Variants in LRRTM4 observed in about 807,000 individuals in gnomAD.
LRRTM4 encodes the protein leucine rich repeat transmembrane neuronal 4.
A neutral mutation model predicts 47.6 loss-of-function variants in LRRTM4; 25 were observed. The observed-to-expected ratio is 0.53, with a 90% CI of 0.38 to 0.73. The LOEUF (loss-of-function observed/expected upper bound fraction) is 0.73. LRRTM4 is among the 30% of genes least tolerant of loss of function. The probability of loss-of-function intolerance (pLI) is 0.00; values close to 1 mark genes in which losing one functional copy is unlikely to be tolerated. For missense variants in LRRTM4, 638 were observed against 713.4 expected, an observed-to-expected ratio of 0.89 and a Z score of 1.20; for synonymous variants, 311 against 269.5, an observed-to-expected ratio of 1.15 and a Z score of -1.51.
At chr2:77,179,537 G>A (rs1039634128) in intron 3 of LRRTM4, among the ~76,000 whole-genome samples, 1 of 152,076 alleles carries the variant, frequency 6.6e-6, no homozygotes, top group Non-Finnish European at 1.5e-5. Context: ...TCGTTCGTCA[G>A]TATTTCAAGA....
At chr2:77,012,313 GTAT>G (rs942081498) in intron 3 of LRRTM4, among the ~76,000 whole-genome samples, 27 of 151,742 alleles carry the variant, frequency 1.8e-4, no homozygotes, top group Admixed American at 7.9e-4. Flanking sequence ...TTGGAAATCA[GTAT>G]TATAACACAG....
chr2:76,902,369 C>T (rs943723860), intron 3 of LRRTM4, among the ~76,000 whole-genome samples: 2 of 152,072 alleles, frequency 1.3e-5, no homozygotes, highest in Admixed American at 6.6e-5. Context: ...ATTAGCCAGC[C>T]CCTATCCAAT....
At chr2:77,429,902 C>T (rs1675294057) in intron 3 of LRRTM4, among the ~76,000 whole-genome samples, 1 of 152,012 alleles carries the variant, frequency 6.6e-6, no homozygotes, top group South Asian at 2.1e-4. Context: ...CCTGTCTCTA[C>T]TAAAAATACA....
intron 3 of LRRTM4, among the ~76,000 whole-genome samples, chr2:76,941,816 G>A (rs569578459): frequency 6.6e-6 from 1 of 152,052 alleles, no homozygotes; most frequent in Non-Finnish European, 1.5e-5. Flanking sequence ...ATAATCCTTT[G>A]GGCATATACC....
At chr2:77,383,629 A>C (rs916303205) in intron 3 of LRRTM4, among the ~76,000 whole-genome samples, 1 of 152,116 alleles carries the variant, frequency 6.6e-6, no homozygotes, top group Non-Finnish European at 1.5e-5. Context: ...CTGCTTAAAG[A>C]CATTTGCATA....
At chr2:76,836,814 A>T (rs547439603) in intron 3 of LRRTM4, among the ~76,000 whole-genome samples, 2 of 152,262 alleles carry the variant, frequency 1.3e-5, no homozygotes, top group East Asian at 3.9e-4. Flanking sequence ...AAAGGCAAAG[A>T]GAAGAATGTA....
At chr2:77,423,040 T>G (rs1489107176) in intron 3 of LRRTM4, among the ~76,000 whole-genome samples, 1 of 152,238 alleles carries the variant, frequency 6.6e-6, no homozygotes, top group African/African-American at 2.4e-5. Flanking sequence ...GGAATTTTAA[T>G]CATATTGTGT....
chr2:77,038,475 T>C (rs1678909172), intron 3 of LRRTM4, among the ~76,000 whole-genome samples: 1 of 151,512 alleles, frequency 6.6e-6, no homozygotes, highest in Admixed American at 6.6e-5. Flanking sequence ...TAAAGTACTG[T>C]TCAGAGTCTA....
chr2:77,432,979 A>G (rs1056158003), intron 3 of LRRTM4, among the ~76,000 whole-genome samples: 3 of 152,206 alleles, frequency 2.0e-5, no homozygotes, highest in Non-Finnish European at 2.9e-5. Context: ...AGATGTTTAC[A>G]TCTTCTGCCA....
At chr2:76,984,177 A>T (rs1403678226) in intron 3 of LRRTM4, among the ~76,000 whole-genome samples, 1 of 152,084 alleles carries the variant, frequency 6.6e-6, no homozygotes, top group Non-Finnish European at 1.5e-5. Context: ...TCTGACTGAG[A>T]ATTAAGATAC....
intron 3 of LRRTM4, among the ~76,000 whole-genome samples, chr2:77,044,615 G>T (rs1679170437): frequency 6.6e-6 from 1 of 150,802 alleles, no homozygotes. Flanking sequence ...TAGTTTATTT[G>T]ATTTTTTTTG....
At chr2:77,356,072 C>T (rs747138126) in intron 3 of LRRTM4, among the ~76,000 whole-genome samples, 7 of 152,114 alleles carry the variant, frequency 4.6e-5, no homozygotes, top group Non-Finnish European at 8.8e-5. Flanking sequence ...CCTGCCTAGG[C>T]AACAAAGCGA....
At chr2:77,428,566 A>G (rs534080813) in intron 3 of LRRTM4, among the ~76,000 whole-genome samples, 2 of 152,274 alleles carry the variant, frequency 1.3e-5, no homozygotes, top group East Asian at 1.9e-4. Flanking sequence ...GCCTTTTCCC[A>G]TTCTCAGTAA....
At chr2:77,002,291 G>T (rs1020968880) in intron 3 of LRRTM4, among the ~76,000 whole-genome samples, 1 of 151,996 alleles carries the variant, frequency 6.6e-6, no homozygotes, top group African/African-American at 2.4e-5. Flanking sequence ...AGTGAAATTT[G>T]GTGTCCTACC....
intron 3 of LRRTM4, among the ~76,000 whole-genome samples, chr2:77,317,596 T>C (rs1330627565): frequency 6.6e-6 from 1 of 152,228 alleles, no homozygotes; most frequent in African/African-American, 2.4e-5. Context: ...CTTTTCTTCA[T>C]GAAGATGTCA....
chr2:77,471,544 C>T (rs1922824), intron 3 of LRRTM4, among the ~76,000 whole-genome samples: 47,830 of 151,878 alleles, frequency 0.31, 7,907 homozygotes, highest in African/African-American at 0.4. Flanking sequence ...CATGGTCTGC[C>T]CTCTTGCAAC....
At chr2:77,021,527 T>C (rs2104104970) in intron 3 of LRRTM4, among the ~76,000 whole-genome samples, 1 of 152,280 alleles carries the variant, frequency 6.6e-6, no homozygotes, top group East Asian at 1.9e-4. Flanking sequence ...GATAAGTGAT[T>C]ATACATCTAG....
At chr2:76,925,770 T>C (rs533891358) in intron 3 of LRRTM4, among the ~76,000 whole-genome samples, 6 of 152,156 alleles carry the variant, frequency 3.9e-5, no homozygotes, top group Non-Finnish European at 8.8e-5. Context: ...GTTTTTACTA[T>C]GCAATTTTGC....
At chr2:77,104,383 C>T (rs1671037508) in intron 3 of LRRTM4, among the ~76,000 whole-genome samples, 1 of 152,134 alleles carries the variant, frequency 6.6e-6, no homozygotes, top group Non-Finnish European at 1.5e-5. Flanking sequence ...TGTAAGTTAG[C>T]TCATGCCACT....
Sources: gnomAD v4.1 joint callset for allele counts (sites outside exome capture counted in the v4.1 genomes callset) on GRCh38, gnomAD v4.1.1 for gene constraint, MANE v1.5 for transcripts, NCBI Gene and HGNC (gene_info 2026-07-23, HGNC 2026-07-21) for gene names.